FRMD4B: variants seen among roughly 807,000 people sequenced by gnomAD.
The protein encoded by FRMD4B is FERM domain-containing protein 4B.
In FRMD4B, 74 loss-of-function variants were observed where a neutral mutation model predicts 141.5. The observed-to-expected ratio is 0.52, with a 90% confidence interval of 0.43 to 0.63. The LOEUF is 0.63. Ranked by LOEUF, FRMD4B falls within the 30% of genes least tolerant of loss-of-function variation. The pLI, the probability that FRMD4B is intolerant of heterozygous loss-of-function variation, is 0.00. For missense variants in FRMD4B, 1,366 were observed against 1,253.4 expected (o/e 1.09, Z -1.36); for synonymous variants, 506 against 467.9 (o/e 1.08, Z -1.05).
At chr3:69,265,669 G>A (rs1010117118) in intron 5 of FRMD4B, among the ~76,000 whole-genome samples, 46 of 151,656 alleles carry the variant, frequency 3.0e-4, no homozygotes, top group African/African-American at 9.9e-4. Flanking sequence ...GGATGGTCTC[G>A]ATCTCCTGAC....
At chr3:69,451,164 T>A (rs1705491997) in intron 1 of FRMD4B, among the ~76,000 whole-genome samples, 1 of 152,142 alleles carries the variant, frequency 6.6e-6, no homozygotes, top group South Asian at 2.1e-4. Flanking sequence ...CAGAGGATGA[T>A]GTGTGATTTT....
chr3:69,318,795 T>C (rs1701891604), intron 1 of FRMD4B, among the ~76,000 whole-genome samples: 1 of 152,220 alleles, frequency 6.6e-6, no homozygotes, highest in Non-Finnish European at 1.5e-5. Context: ...AAATCCAGAT[T>C]GACAGCTTCT....
At chr3:69,204,664 T>A (rs2093004659) in intron 11 of FRMD4B, among the ~76,000 whole-genome samples, 1 of 152,224 alleles carries the variant, frequency 6.6e-6, no homozygotes. Flanking sequence ...CTTCTTTCCA[T>A]CAAATGTTTA....
At chr3:69,187,964 T>C (rs768362100) in intron 18 of FRMD4B, 47 bp from the exon 19 acceptor site, 4 of 1,038,852 alleles carry the variant, frequency 3.9e-6, no homozygotes, top group African/African-American at 1.6e-5. Context: ...GGCAAATTAA[T>C]AGGTAAATAA....
intron 3 of FRMD4B, among the ~76,000 whole-genome samples, chr3:69,303,120 C>CAAAT (rs1701271495): frequency 2.6e-5 from 4 of 151,754 alleles, no homozygotes; most frequent in Admixed American, 2.0e-4. Context: ...AACAAACAAA[C>CAAAT]AAAAAAAACT....
intron 3 of FRMD4B, 85 bp downstream of exon 3, chr3:69,311,178 T>G: frequency 1.6e-6 from 1 of 627,710 alleles, no homozygotes; most frequent in South Asian, 2.2e-5. Context: ...CTGGAGGACT[T>G]ATTTCCTTTT....
At chr3:69,455,787 AACTG>A (rs1214171312) in intron 1 of FRMD4B, among the ~76,000 whole-genome samples, 4 of 152,196 alleles carry the variant, frequency 2.6e-5, no homozygotes, top group South Asian at 2.1e-4. Flanking sequence ...TAATGTCTTT[AACTG>A]TGTTAATAAA....
intron 1 of FRMD4B, among the ~76,000 whole-genome samples, chr3:69,489,416 A>G (rs972634820): frequency 1.3e-5 from 2 of 151,928 alleles, no homozygotes; most frequent in African/African-American, 4.8e-5. Flanking sequence ...CAATCTAAAA[A>G]TGGGCAAAGG....
chr3:69,408,431 A>T (rs1267629295), intron 2 of FRMD4B, among the ~76,000 whole-genome samples: 1 of 152,162 alleles, frequency 6.6e-6, no homozygotes, highest in Non-Finnish European at 1.5e-5. Flanking sequence ...CCGCCAATTG[A>T]CGCTTTCTCC....
At chr3:69,269,138 A>G (rs2093582795) in intron 5 of FRMD4B, among the ~76,000 whole-genome samples, 1 of 151,658 alleles carries the variant, frequency 6.6e-6, no homozygotes, top group Admixed American at 6.6e-5. Flanking sequence ...CATGTTGGTC[A>G]GGCTGGTCTT....
chr3:69,513,199 T>C (rs1018709664), intron 1 of FRMD4B, among the ~76,000 whole-genome samples: 1 of 151,780 alleles, frequency 6.6e-6, no homozygotes, highest in Non-Finnish European at 1.5e-5. Flanking sequence ...CTCAAAAAAC[T>C]AGAATTAGAA....
chr3:69,181,806 TG>T (rs2092711612), intron 20 of FRMD4B, 96 bp from the exon 21 acceptor site: 20 of 708,284 alleles, frequency 2.8e-5, no homozygotes, highest in Non-Finnish European at 4.7e-5. Context: ...GAATAGCTCG[TG>T]AATTACAATA....
chr3:69,247,679 C>T (rs547816709), intron 7 of FRMD4B, among the ~76,000 whole-genome samples: 168 of 152,188 alleles, frequency 1.1e-3, no homozygotes, highest in Middle Eastern at 3.4e-3. Flanking sequence ...GACGGAGTCT[C>T]GCTCTTTTGC....
At chr3:69,278,743 C>T (rs2093630459) in intron 5 of FRMD4B, among the ~76,000 whole-genome samples, 2 of 152,092 alleles carry the variant, frequency 1.3e-5, no homozygotes, top group African/African-American at 2.4e-5. Context: ...TGCGCCACTG[C>T]ACCTGGCTAA....
At position 69,181,093 on chromosome 3, in the gene FRMD4B, A is replaced by C; in HGVS notation, c.2657T>G (p.Ile886Ser). The C allele has an allele frequency of 6.2e-7, 1 of 1,613,856 alleles. No individual in the cohort carries two copies. ...TAAGGCCTTGTGGATGTTTTTGGTGATGTGCTCCGATTTTGCAGCAGCCTT... is the reference window on the plus strand; with the variant it reads ...TAAGGCCTTGTGGATGTTTTTGGTGCTGTGCTCCGATTTTGCAGCAGCCTT... ...PRKAAAKSEH[I>S]TKNIHKALVA... is the part of the protein sequence containing the mutation. The change falls in exon 21 of 23, where the codon ATC becomes AGC. Residue 886 changes from isoleucine to serine, a missense_variant. Physicochemically the swap from Ile to Ser is moderately radical, Grantham distance 142. Coordinates refer to ENST00000398540, the MANE Select transcript of FRMD4B (RefSeq NM_015123.3).
intron 1 of FRMD4B, among the ~76,000 whole-genome samples, chr3:69,510,873 T>C (rs1271932231): frequency 6.6e-6 from 1 of 152,216 alleles, no homozygotes; most frequent in Non-Finnish European, 1.5e-5. Flanking sequence ...TGACACTTCC[T>C]CTCTGCCTAA....
At chr3:69,503,496 G>A (rs1706537464) in intron 1 of FRMD4B, among the ~76,000 whole-genome samples, 1 of 133,962 alleles carries the variant, frequency 7.5e-6, no homozygotes, top group African/African-American at 2.8e-5. Context: ...GAGAACACTT[G>A]GACACAGGAA....
At chr3:69,338,932 C>A (rs1702644247) in intron 1 of FRMD4B, among the ~76,000 whole-genome samples, 1 of 152,060 alleles carries the variant, frequency 6.6e-6, no homozygotes, top group South Asian at 2.1e-4. Flanking sequence ...TAGTAAGCAC[C>A]CAATACCTAT....
intron 2 of FRMD4B, among the ~76,000 whole-genome samples, chr3:69,403,812 C>G (rs1704607153): frequency 6.6e-6 from 1 of 152,132 alleles, no homozygotes; most frequent in African/African-American, 2.4e-5. Flanking sequence ...GCGTACCCCA[C>G]TCCCCCCACC....
Sources: allele counts gnomAD v4.1 joint callset (sites outside exome capture counted in the v4.1 genomes callset), GRCh38; gene constraint gnomAD v4.1.1; transcripts MANE v1.5; gene names NCBI Gene and HGNC (gene_info 2026-07-23, HGNC 2026-07-21).